Variants in DNAJC15 observed in about 807,000 individuals in gnomAD.
DNAJC15 encodes dnaJ homolog subfamily C member 15.
In DNAJC15, 27 loss-of-function variants were observed where a neutral mutation model predicts 22.4. The observed-to-expected ratio is 1.20, with a 90% CI of 0.89 to 1.66. DNAJC15 has a LOEUF of 1.66. Among genes scored for constraint, DNAJC15 ranks in the 40% most tolerant of loss-of-function variants. DNAJC15 has a pLI of 0.00. For synonymous variants in DNAJC15, 79 were observed against 63.2 expected (o/e 1.25, Z -1.19); for missense variants, 208 against 187.1 (o/e 1.11, Z -0.65).
At chr13:43,100,205 CT>C (rs368386623) in intron 5 of DNAJC15, among the ~76,000 whole-genome samples, 1,283 of 110,490 alleles carry the variant, frequency 0.012, 1 homozygote, top group East Asian at 0.027. Flanking sequence ...TTATTGAAGT[CT>C]TTTTTTTTTT....
rs117549892 is a variant in DNAJC15, at chr13:43,063,572, G to C, written c.109-2114G>C. On this transcript the variant is annotated intron_variant, in intron 1 of 5. Transcript: ENST00000379221. ...TCTCTGGTTACTCTTGAAATTGAGC[G>C]CCTTTTCATATGTTTTAGCCATTTA... 7.8e-3 allele frequency among the ~76,000 whole-genome samples: 1,193 copies of C among 152,124 alleles called. 13 individuals carry two copies. The highest frequency in any genetic ancestry group is 0.027 in the African/African-American group (1,139 of 41,480).
intron 5 of DNAJC15, among the ~76,000 whole-genome samples, chr13:43,098,232 TTTC>T (rs2040750769): frequency 1.3e-5 from 2 of 152,288 alleles, no homozygotes; most frequent in Middle Eastern, 3.4e-3. Context: ...AAGGAAGACT[TTTC>T]TTCTAGCTGG....
At chr13:43,080,189 T>C (rs550845220) in intron 4 of DNAJC15, among the ~76,000 whole-genome samples, 1 of 152,316 alleles carries the variant, frequency 6.6e-6, no homozygotes, top group South Asian at 2.1e-4. Context: ...CTAAGCCTAG[T>C]ACCCAATAGT....
rs57085120 is a variant in DNAJC15, at chr13:43,107,524, T to TACAC, written c.*305_*308dup. 2,749 of 161,634 alleles carry TACAC rather than the reference T, an allele frequency of 0.017. 65 individuals carry two copies. Among genetic ancestry groups the TACAC allele is most frequent in the African/African-American group, 0.051 (2,084 of 41,040 alleles). 10.0% of individuals were successfully genotyped at this position (161,634 alleles called of 1,614,324 possible). ...TTTTGTTATGTTCTGAATTCCCCCC[T>TACAC]ACACACACACACACACACACACACA... On this transcript the variant is annotated 3_prime_UTR_variant, in exon 6 of 6. Coordinates refer to ENST00000379221, the MANE Select transcript of DNAJC15 (RefSeq NM_013238.3).
Position 43,109,725 on chromosome 13 carries a change from G to A in DNAJC15, c.*2477G>A, listed in dbSNP as rs7999867. 1 of 152,044 alleles carries A rather than the reference G, an allele frequency of 6.6e-6. No homozygotes were observed. The highest frequency in any genetic ancestry group is 2.4e-5 in the African/African-American group (1 of 41,350). 9.4% of individuals were successfully genotyped at this position (152,044 alleles called of 1,614,324 possible). A position where few individuals can be genotyped will look rare whatever the true frequency, so the allele number is the denominator to read the frequency against. ...GGGGCCTGTTGTGGGGCGGGGAGAG[G>A]GGGGAGGGATCGCATTTGGAGATAT... On this transcript the variant is annotated 3_prime_UTR_variant, in exon 6 of 6. Coordinates refer to ENST00000379221, the MANE Select transcript of DNAJC15 (RefSeq NM_013238.3).
chr13:43,091,042 A>G (rs2040712404), intron 5 of DNAJC15, among the ~76,000 whole-genome samples: 1 of 151,826 alleles, frequency 6.6e-6, no homozygotes, highest in Non-Finnish European at 1.5e-5. Context: ...TCTTTGTGGG[A>G]AGGTTTAAAA....
At chr13:43,070,095 G>A (rs2040601810) in intron 3 of DNAJC15, among the ~76,000 whole-genome samples, 1 of 151,966 alleles carries the variant, frequency 6.6e-6, no homozygotes, top group South Asian at 2.1e-4. Context: ...TTATATTATG[G>A]TATAGGTCAC....
At chr13:43,037,713 C>T (rs1270006960) in intron 1 of DNAJC15, among the ~76,000 whole-genome samples, 2 of 151,908 alleles carry the variant, frequency 1.3e-5, no homozygotes, top group Admixed American at 1.3e-4. Context: ...GTTAAATATA[C>T]TAGTTTATAT....
intron 4 of DNAJC15, among the ~76,000 whole-genome samples, chr13:43,084,628 G>C (rs998817533): frequency 1.3e-5 from 2 of 152,228 alleles, no homozygotes; most frequent in African/African-American, 4.8e-5. Flanking sequence ...AAACAAGATA[G>C]TATAGCTATT....
chr13:43,105,334 C>A (rs1435779164), intron 5 of DNAJC15, among the ~76,000 whole-genome samples: 1 of 152,106 alleles, frequency 6.6e-6, no homozygotes, highest in Non-Finnish European at 1.5e-5. Flanking sequence ...TTCCAAGTCC[C>A]ACAAGAATGG....
chr13:43,097,814 G>A (rs1183188163), intron 5 of DNAJC15, among the ~76,000 whole-genome samples: 1 of 152,156 alleles, frequency 6.6e-6, no homozygotes, highest in Non-Finnish European at 1.5e-5. Context: ...GCACATGCCT[G>A]TAATCCCAGC....
intron 5 of DNAJC15, among the ~76,000 whole-genome samples, chr13:43,106,263 G>T (rs1281179468): frequency 1.3e-5 from 2 of 152,158 alleles, no homozygotes; most frequent in Non-Finnish European, 2.9e-5. Flanking sequence ...AAAACACAAA[G>T]AGACTGGTGA....
At chr13:43,068,589 T>C (rs2040594003) in intron 2 of DNAJC15, among the ~76,000 whole-genome samples, 1 of 152,098 alleles carries the variant, frequency 6.6e-6, no homozygotes, top group Admixed American at 6.5e-5. Flanking sequence ...AATAGGACTT[T>C]ACAGTTTGTT....
intron 1 of DNAJC15, among the ~76,000 whole-genome samples, chr13:43,031,437 A>G (rs556528214): frequency 6.6e-6 from 1 of 152,282 alleles, no homozygotes; most frequent in East Asian, 1.9e-4. Flanking sequence ...AAGGGTAGAA[A>G]CTAAACCTAG....
At chr13:43,100,694 C>G (rs1179356651) in intron 5 of DNAJC15, among the ~76,000 whole-genome samples, 1 of 152,160 alleles carries the variant, frequency 6.6e-6, no homozygotes, top group Non-Finnish European at 1.5e-5. Flanking sequence ...ATTATATGCT[C>G]TGTCCTGGAG....
At chr13:43,092,247 C>G (rs1238593349) in intron 5 of DNAJC15, among the ~76,000 whole-genome samples, 1 of 152,072 alleles carries the variant, frequency 6.6e-6, no homozygotes, top group African/African-American at 2.4e-5. Flanking sequence ...TATAGTACTG[C>G]TTTTTGCCAT....
At chr13:43,030,883 A>G (rs2040401429) in intron 1 of DNAJC15, among the ~76,000 whole-genome samples, 1 of 152,238 alleles carries the variant, frequency 6.6e-6, no homozygotes, top group Admixed American at 6.5e-5. Context: ...TCATAAGAGA[A>G]ATATATGGAT....
At chr13:43,100,685 T>TTA (rs1176280022) in intron 5 of DNAJC15, among the ~76,000 whole-genome samples, 2 of 152,222 alleles carry the variant, frequency 1.3e-5, no homozygotes, top group Non-Finnish European at 2.9e-5. Context: ...TTGTGGCCTA[T>TTA]TATATGCTCT....
At chr13:43,082,886 ATGTGTGTATATATATGTGTG>A in intron 4 of DNAJC15, among the ~76,000 whole-genome samples, 1 of 150,738 alleles carries the variant, frequency 6.6e-6, no homozygotes, top group African/African-American at 2.4e-5. Flanking sequence ...GTATGCGTAT[ATGTGTGTATATATATGTGTG>A]TGTGTGTATA....
Sources: allele counts gnomAD v4.1 joint callset (sites outside exome capture counted in the v4.1 genomes callset), GRCh38; gene constraint gnomAD v4.1.1; transcripts MANE v1.5; gene names NCBI Gene and HGNC (gene_info 2026-07-23, HGNC 2026-07-21).